Variants in CSMD1 observed in about 807,000 individuals in gnomAD.
The protein encoded by CSMD1 is CUB and sushi domain-containing protein 1.
A neutral mutation model predicts 417.5 loss-of-function variants in CSMD1; 213 were observed. The ratio of observed to expected loss-of-function variants is 0.51; its 90% confidence interval spans 0.46 to 0.57. CSMD1 has a LOEUF of 0.57. Among genes scored for constraint, CSMD1 ranks in the 20% least tolerant of loss-of-function variants. The pLI is 0.00. For missense variants in CSMD1, 6,923 were observed against 4,529.7 expected, an observed-to-expected ratio of 1.53 and a Z score of -15.17; for synonymous variants, 2,862 against 1,736.8, an observed-to-expected ratio of 1.65 and a Z score of -16.11.
chr8:3,907,756 G>A (rs1461878706), intron 5 of CSMD1, among the ~76,000 whole-genome samples: 1 of 152,166 alleles, frequency 6.6e-6, no homozygotes, highest in Non-Finnish European at 1.5e-5. Flanking sequence ...GCCTGTGTCA[G>A]TCAGTAACAG....
chr8:4,235,095 G>T (rs117438328), intron 3 of CSMD1, among the ~76,000 whole-genome samples: 2,272 of 152,198 alleles, frequency 0.015, 24 homozygotes, highest in Non-Finnish European at 0.026. Flanking sequence ...GGGACTTCAA[G>T]AATAGAAAAA....
At chr8:3,500,249 G>A (rs1796542575) in intron 10 of CSMD1, among the ~76,000 whole-genome samples, 1 of 152,102 alleles carries the variant, frequency 6.6e-6, no homozygotes, top group Non-Finnish European at 1.5e-5. Flanking sequence ...TTACCTACTT[G>A]TCATTTTGGT....
intron 1 of CSMD1, among the ~76,000 whole-genome samples, chr8:4,702,440 T>A (rs532736063): frequency 6.6e-6 from 1 of 152,266 alleles, no homozygotes; most frequent in South Asian, 2.1e-4. Flanking sequence ...CATCTTGAAG[T>A]TCACTCTGGA....
chr8:4,071,664 G>A (rs1335258482), intron 3 of CSMD1, among the ~76,000 whole-genome samples: 4 of 152,080 alleles, frequency 2.6e-5, no homozygotes, highest in Non-Finnish European at 2.9e-5. Flanking sequence ...GTGATTAGTT[G>A]TTGTTTCTGG....
At chr8:3,668,302 T>C (rs145350639) in intron 7 of CSMD1, among the ~76,000 whole-genome samples, 1 of 151,990 alleles carries the variant, frequency 6.6e-6, no homozygotes, top group African/African-American at 2.4e-5. Flanking sequence ...AGATATGAAG[T>C]GAGAGGATTA....
intron 5 of CSMD1, among the ~76,000 whole-genome samples, chr8:3,754,433 C>CTTATTTAT (rs34887868): frequency 0.061 from 8,880 of 145,514 alleles, 307 homozygotes; most frequent in Admixed American, 0.1. Context: ...TTAGTAATTC[C>CTTATTTAT]TTATTTATTT....
chr8:3,716,616 G>A (rs1353799857), intron 6 of CSMD1, among the ~76,000 whole-genome samples: 4 of 152,270 alleles, frequency 2.6e-5, no homozygotes, highest in Middle Eastern at 3.4e-3. Flanking sequence ...TCATCAGGAA[G>A]GACTTTATGG....
intron 20 of CSMD1, among the ~76,000 whole-genome samples, chr8:3,364,337 G>A (rs1383134099): frequency 6.6e-6 from 1 of 152,132 alleles, no homozygotes; most frequent in East Asian, 1.9e-4. Context: ...CTGCTTGTGT[G>A]CAACTGTCTA....
chr8:4,124,658 T>TA (rs1802663973), intron 3 of CSMD1, among the ~76,000 whole-genome samples: 1 of 152,208 alleles, frequency 6.6e-6, no homozygotes, highest in South Asian at 2.1e-4. Context: ...AGTGAGGGAC[T>TA]AAGTGGCTAA....
intron 3 of CSMD1, among the ~76,000 whole-genome samples, chr8:4,202,592 T>C (rs1034354278): frequency 1.3e-5 from 2 of 152,216 alleles, no homozygotes; most frequent in East Asian, 1.9e-4. Flanking sequence ...AAAAGGTTAC[T>C]TTCCTGCAAT....
intron 3 of CSMD1, among the ~76,000 whole-genome samples, chr8:4,258,857 G>A (rs954632231): frequency 6.6e-6 from 1 of 152,132 alleles, no homozygotes; most frequent in Non-Finnish European, 1.5e-5. Flanking sequence ...GACAACGGCT[G>A]CAAAAGTCTC....
At chr8:3,874,707 T>A (rs890464899) in intron 5 of CSMD1, among the ~76,000 whole-genome samples, 6 of 152,138 alleles carry the variant, frequency 3.9e-5, no homozygotes, top group African/African-American at 1.4e-4. Context: ...CTACAACAAA[T>A]GCGACTGGCG....
chr8:4,339,215 G>T (rs1014966993), intron 3 of CSMD1, among the ~76,000 whole-genome samples: 1 of 152,100 alleles, frequency 6.6e-6, no homozygotes. Flanking sequence ...TATACCCCAG[G>T]CAATAAGCCA....
chr8:3,837,662 T>C (rs1208189974), intron 5 of CSMD1, among the ~76,000 whole-genome samples: 2 of 152,166 alleles, frequency 1.3e-5, no homozygotes, highest in African/African-American at 4.8e-5. Context: ...CCATCCTACA[T>C]AGGCACAGGG....
intron 7 of CSMD1, chr8:3,704,925 C>G (rs546741410): frequency 3.9e-5 from 6 of 152,334 alleles, no homozygotes; most frequent in African/African-American, 1.2e-4. Context: ...AGTCAGAGGG[C>G]ATGGATTTCT....
chr8:3,029,703 C>T (rs1246791795), intron 50 of CSMD1, among the ~76,000 whole-genome samples, 190 bp from the exon 51 acceptor site: 1 of 150,216 alleles, frequency 6.7e-6, no homozygotes, highest in Non-Finnish European at 1.5e-5. Flanking sequence ...ATGTAAAATG[C>T]ATTCAATTGC....
At chr8:3,947,286 A>G (rs1350101538) in intron 5 of CSMD1, among the ~76,000 whole-genome samples, 1 of 152,110 alleles carries the variant, frequency 6.6e-6, no homozygotes, top group Non-Finnish European at 1.5e-5. Context: ...TGACGTGATT[A>G]TGTATGCAGC....
intron 1 of CSMD1, among the ~76,000 whole-genome samples, chr8:4,786,668 T>C (rs927322614): frequency 3.9e-5 from 6 of 152,238 alleles, no homozygotes; most frequent in African/African-American, 1.4e-4. Flanking sequence ...TACGTTCTTT[T>C]ACAAAATTCT....
At chr8:4,534,228 C>G (rs896911369) in intron 2 of CSMD1, among the ~76,000 whole-genome samples, 1 of 152,146 alleles carries the variant, frequency 6.6e-6, no homozygotes, top group Non-Finnish European at 1.5e-5. Flanking sequence ...GAAAGAAATA[C>G]CTTCTGCGTG....
Sources: gnomAD v4.1 joint callset for allele counts (sites outside exome capture counted in the v4.1 genomes callset) on GRCh38, gnomAD v4.1.1 for gene constraint, MANE v1.5 for transcripts, NCBI Gene and HGNC (gene_info 2026-07-23, HGNC 2026-07-21) for gene names.